Variants in GPR158 observed in about 807,000 individuals in gnomAD.
The protein encoded by GPR158 is G protein-coupled receptor 158.
A neutral mutation model predicts 78.2 loss-of-function variants in GPR158; 30 were observed. The ratio of observed to expected loss-of-function variants is 0.38; its 90% CI spans 0.29 to 0.52. The LOEUF (loss-of-function observed/expected upper bound fraction) is 0.52, where lower values mean the gene tolerates loss of function less well. Among genes scored for constraint, GPR158 ranks in the 20% least tolerant of loss-of-function variants. GPR158 has a pLI of 0.83. For missense variants in GPR158, 1,463 were observed against 1,523.5 expected, an observed-to-expected ratio of 0.96 and a Z score of 0.66; for synonymous variants, 581 against 591.1, an observed-to-expected ratio of 0.98 and a Z score of 0.25.
chr10:25,337,398 C>G (rs545892576), intron 2 of GPR158, among the ~76,000 whole-genome samples: 20 of 152,212 alleles, frequency 1.3e-4, no homozygotes, highest in Middle Eastern at 3.4e-3. Flanking sequence ...ATGTTTAGAT[C>G]ATGTAACATG....
intron 2 of GPR158, among the ~76,000 whole-genome samples, chr10:25,345,520 G>A (rs950107110): frequency 2.0e-5 from 3 of 151,882 alleles, no homozygotes; most frequent in African/African-American, 4.8e-5. Context: ...AATATTGCAA[G>A]GAAAGAAGTA....
At chr10:25,448,260 A>AT (rs1014190731) in intron 4 of GPR158, among the ~76,000 whole-genome samples, 2,656 of 142,356 alleles carry the variant, frequency 0.019, 76 homozygotes, top group African/African-American at 0.061. Flanking sequence ...AATTTTTTGT[A>AT]TTTTTTTTTT....
intron 2 of GPR158, among the ~76,000 whole-genome samples, chr10:25,279,967 G>GAAAAAAAAA (rs112979632): frequency 8.3e-6 from 1 of 119,998 alleles, no homozygotes. Context: ...CCATTAAAAT[G>GAAAAAAAAA]AAAAAAAAAA....
At chr10:25,433,003 T>C (rs1834933614) in intron 4 of GPR158, among the ~76,000 whole-genome samples, 1 of 152,218 alleles carries the variant, frequency 6.6e-6, no homozygotes, top group Admixed American at 6.5e-5. Context: ...CAGTATCACG[T>C]ATAGTGAATG....
At position 25,572,828 on chromosome 10, in the gene GPR158, C is replaced by A. The variant is rs1364195968; in HGVS notation, c.1694C>A (p.Ser565Tyr). 6.2e-7 allele frequency: 1 copy of A among 1,613,600 alleles called. No homozygotes were observed. The highest frequency in any genetic ancestry group is 8.5e-7 in the Non-Finnish European group (1 of 1,179,676). ...QISLIGQGKTSDHLIFNMCLI... is the reference protein window; with the variant it reads ...QISLIGQGKTYDHLIFNMCLI... ...TCACTTATTGGCCAGGGGAAAACAT[C>A]CGATCACCTCATCTTCAATATGTGC... Residue 565 changes from serine to tyrosine, a missense_variant, in exon 7 of 11, where the codon TCC (serine) becomes TAC (tyrosine). Ser to Tyr is a moderately radical substitution (Grantham distance 144). Transcript: ENST00000376351.
In GPR158 at chr10:25,539,337, T is replaced by G. The variant is rs924976060; in HGVS notation, c.1405-11639T>G. Among the ~76,000 whole-genome samples, 4 of 152,196 alleles carry G rather than the reference T, an allele frequency of 2.6e-5. No homozygotes were observed. The East Asian group carries it at 7.7e-4, about 29-fold the overall frequency. On this transcript the variant is annotated intron_variant, in intron 5 of 10. Transcript: ENST00000376351. ...CAATGAGGAGGAGTATGAATGAAAA[T>G]CTTTCCTTGTTATGTGTGGGGGGTT...
intron 8 of GPR158, among the ~76,000 whole-genome samples, chr10:25,591,933 A>G (rs932324198): frequency 6.6e-6 from 1 of 152,082 alleles, no homozygotes; most frequent in Non-Finnish European, 1.5e-5. Context: ...GCAATAGGCA[A>G]TAATAAACCA....
intron 2 of GPR158, among the ~76,000 whole-genome samples, chr10:25,241,363 T>A (rs146156458): frequency 7.2e-6 from 1 of 138,200 alleles, no homozygotes; most frequent in Non-Finnish European, 1.5e-5. Context: ...TTCTTTTCTC[T>A]TTTCTTTTCT....
At chr10:25,351,980 T>C (rs183197870) in intron 2 of GPR158, among the ~76,000 whole-genome samples, 4 of 151,788 alleles carry the variant, frequency 2.6e-5, no homozygotes, top group African/African-American at 9.6e-5. Flanking sequence ...AGCTCCCACT[T>C]ATCAGTGAGT....
At chr10:25,556,997 T>C (rs1022099699) in intron 6 of GPR158, among the ~76,000 whole-genome samples, 1 of 152,230 alleles carries the variant, frequency 6.6e-6, no homozygotes, top group Non-Finnish European at 1.5e-5. Flanking sequence ...AAGGTTTCCC[T>C]AAGGACATTT....
At position 25,601,519 on chromosome 10, in the gene GPR158, T is replaced by C. The variant is rs367865466; in HGVS notation, c.*2245T>C. 6 of 152,756 alleles carry C rather than the reference T, an allele frequency of 3.9e-5. No individual in the cohort carries two copies. In the South Asian group the frequency reaches 1.2e-3, roughly 32 times the overall value. 9.5% of individuals were successfully genotyped at this position (152,756 alleles called of 1,614,324 possible). On this transcript the variant is annotated 3_prime_UTR_variant, in exon 11 of 11. Transcript: ENST00000376351. The stretch of plus-strand genomic sequence containing the variant: ...ATGCAGTCAAGCATCAGTGACTTTC[T>C]ATTGCACTTCAGGATTGATCCTGCT...
At chr10:25,503,570 G>A (rs1276545284) in intron 5 of GPR158, among the ~76,000 whole-genome samples, 1 of 152,160 alleles carries the variant, frequency 6.6e-6, no homozygotes, top group Non-Finnish European at 1.5e-5. Context: ...TCTCTACTGT[G>A]TCAGTATTAC....
chr10:25,257,460 C>T (rs1036631374), intron 2 of GPR158, among the ~76,000 whole-genome samples: 1 of 152,080 alleles, frequency 6.6e-6, no homozygotes, highest in Non-Finnish European at 1.5e-5. Context: ...TATGGGCTGC[C>T]AGAAAAAGCT....
chr10:25,472,702 G>A (rs952485163), intron 5 of GPR158, among the ~76,000 whole-genome samples: 5 of 152,102 alleles, frequency 3.3e-5, no homozygotes, highest in Non-Finnish European at 7.4e-5. Context: ...TGGATTCCTA[G>A]GTATTTTATT....
chr10:25,445,357 C>T (rs1181445684), intron 4 of GPR158, among the ~76,000 whole-genome samples: 1 of 152,028 alleles, frequency 6.6e-6, no homozygotes, highest in Non-Finnish European at 1.5e-5. Flanking sequence ...AAGTCACTGG[C>T]TGGAAGGAGC....
At chr10:25,270,053 A>G (rs1313735118) in intron 2 of GPR158, among the ~76,000 whole-genome samples, 1 of 152,092 alleles carries the variant, frequency 6.6e-6, no homozygotes, top group Non-Finnish European at 1.5e-5. Context: ...GTTCAAGGAC[A>G]AAGATTTTTG....
intron 3 of GPR158, among the ~76,000 whole-genome samples, chr10:25,400,212 T>C (rs945526099): frequency 9.9e-5 from 15 of 152,124 alleles, no homozygotes; most frequent in Non-Finnish European, 2.2e-4. Context: ...ATTAGTTGCC[T>C]AATAGGGAGA....
intron 2 of GPR158, among the ~76,000 whole-genome samples, chr10:25,324,607 CAA>C (rs1308221930): frequency 1.3e-5 from 2 of 152,084 alleles, no homozygotes; most frequent in African/African-American, 4.8e-5. Context: ...CACACAGACG[CAA>C]AGTGATCACC....
chr10:25,222,529 A>G (rs1000541663), intron 2 of GPR158, among the ~76,000 whole-genome samples: 4 of 151,886 alleles, frequency 2.6e-5, no homozygotes, highest in Admixed American at 6.6e-5. Flanking sequence ...TCACAAAATT[A>G]AGCTCTTCTT....
Sources: gnomAD v4.1 joint callset for allele counts (sites outside exome capture counted in the v4.1 genomes callset) on GRCh38, gnomAD v4.1.1 for gene constraint, MANE v1.5 for transcripts, NCBI Gene and HGNC (gene_info 2026-07-23, HGNC 2026-07-21) for gene names.